AEN: variants seen among roughly 807,000 people sequenced by gnomAD.
The protein encoded by AEN is apoptosis enhancing nuclease.
In AEN, 21 loss-of-function variants were observed where a neutral mutation model predicts 17.7. The observed-to-expected ratio is 1.19, with a 90% CI of 0.84 to 1.71. The LOEUF is 1.71. Ranked by LOEUF, AEN falls within the 40% of genes most tolerant of loss-of-function variation. AEN has a pLI of 0.00. For synonymous variants in AEN, 190 were observed against 173.0 expected, an observed-to-expected ratio of 1.10 and a Z score of -0.77; for missense variants, 462 against 435.9, an observed-to-expected ratio of 1.06 and a Z score of -0.53.
the AEN span, among the ~76,000 whole-genome samples, chr15:88,610,683 G>C: frequency 6.6e-6 from 1 of 152,096 alleles, no homozygotes; most frequent in Non-Finnish European, 1.5e-5. Flanking sequence ...TCTGGATAGA[G>C]AGAATAAACC....
In AEN at chr15:88,631,201, T is replaced by G. The variant is rs1363831734; in HGVS notation, c.*907T>G. 2 of 456,354 alleles carry G rather than the reference T, an allele frequency of 4.4e-6. No homozygotes were observed. The highest frequency in any genetic ancestry group is 4.7e-5 in the Admixed American group (2 of 42,572). 28.3% of individuals were successfully genotyped at this position (456,354 alleles called of 1,614,324 possible). A position where few individuals can be genotyped will look rare whatever the true frequency, so the allele number is the denominator to read the frequency against. ...GGATTGTGCCTGACCTTTATTTATT[T>G]ATTAACAGCAGGGCCACTCGTCTAG... On this transcript the variant is annotated 3_prime_UTR_variant, in exon 4 of 4. Transcript: ENST00000332810.
the AEN span, among the ~76,000 whole-genome samples, chr15:88,612,367 C>G: frequency 1.3e-5 from 2 of 151,896 alleles, no homozygotes; most frequent in Admixed American, 1.3e-4. Flanking sequence ...GGGGGACACA[C>G]CTGACCTCGG....
chr15:88,619,853 T>C (rs1006924428), upstream of AEN, among the ~76,000 whole-genome samples: 1 of 152,084 alleles, frequency 6.6e-6, no homozygotes, highest in African/African-American at 2.4e-5. Context: ...GCTACTTAGG[T>C]GGGGAGCTCT....
In AEN at chr15:88,630,314, G is replaced by T. The variant is rs2057912471; in HGVS notation, c.*20G>T. The T allele has an allele frequency of 1.9e-6, 3 of 1,556,356 alleles. No individual in the cohort carries two copies. Among genetic ancestry groups the T allele is most frequent in the Non-Finnish European group, 2.6e-6 (3 of 1,149,116 alleles). On this transcript the variant is annotated 3_prime_UTR_variant, in exon 4 of 4. Transcript: ENST00000332810. This position sits in a 1 kb window ranked among gnomAD's most constrained non-coding sequence, Gnocchi z 5.1. ...AATTGAGAAGGGGGCGGGGCTCCCT[G>T]GCTGGGCTTCCGGTGTGGCCGGTAG...
the AEN span, among the ~76,000 whole-genome samples, chr15:88,614,271 C>T: frequency 6.7e-6 from 1 of 149,800 alleles, no homozygotes; most frequent in South Asian, 2.1e-4. Context: ...GTGATCTCGG[C>T]TCAATGCAAC....
chr15:88,619,921 C>A (rs537181375), upstream of AEN, among the ~76,000 whole-genome samples: 1 of 152,138 alleles, frequency 6.6e-6, no homozygotes, highest in East Asian at 1.9e-4. Flanking sequence ...AACACTCCCC[C>A]ACTCCTTTCT....
the AEN span, among the ~76,000 whole-genome samples, chr15:88,613,356 G>A: frequency 6.6e-6 from 1 of 152,182 alleles, no homozygotes; most frequent in Non-Finnish European, 1.5e-5. Context: ...GAAGCCAGTG[G>A]GAAGCCAGTC....
At chr15:88,605,268 G>C in the AEN span, among the ~76,000 whole-genome samples, 1 of 152,196 alleles carries the variant, frequency 6.6e-6, no homozygotes, top group Admixed American at 6.5e-5. This position sits in a 1 kb window ranked among gnomAD's most constrained non-coding sequence, Gnocchi z 7.6. Flanking sequence ...GCTCGGTCCC[G>C]CGCCCAGTAG....
In AEN at chr15:88,630,249, C is replaced by A. The variant is rs369014614; in HGVS notation, c.933C>A (p.His311Gln). Residue 311 changes from histidine to glutamine, a missense_variant, in exon 4 of 4, where the codon CAC (histidine) becomes CAA (glutamine). His to Gln is a conservative substitution (Grantham distance 24). Transcript: ENST00000332810. The surrounding 1 kb of genome is among the most constrained non-coding windows in gnomAD (Gnocchi z 5.1). ...AGTACTGGCCCGATGACCTGGCCCA[C>A]GGCAGCAGAGGAGGAGCCAGGGAGG... ...EDQYWPDDLA[H>Q]GSRGGAREAQ... The A allele has an allele frequency of 6.3e-6, 10 of 1,597,966 alleles. No homozygotes were observed. The highest frequency in any genetic ancestry group is 1.3e-5 in the African/African-American group (1 of 74,758).
the AEN span, among the ~76,000 whole-genome samples, chr15:88,614,296 C>T: frequency 6.6e-6 from 1 of 151,862 alleles, no homozygotes; most frequent in Non-Finnish European, 1.5e-5. Flanking sequence ...ACCTCCTGGG[C>T]TCAAGCAATT....
rs1339607225 is a variant in AEN at position 88,629,361 on chromosome 15, C to G, written c.676C>G (p.Leu226Val). Residue 226 changes from leucine to valine, a missense_variant, in exon 3 of 4, where the codon CTC becomes GTC. By Grantham distance (32) the Leu-to-Val change is conservative. Transcript: ENST00000332810. ...YVPNFLSEPG[L>V]HTRARVSLKD... ...CCCAAACTTCCTCAGCGAGCCCGGC[C>G]TCCACACCCGGGCCCGGGTCTCTCT... is the stretch of plus-strand genomic sequence containing the variant. The G allele has an allele frequency of 3.1e-6, 5 of 1,614,132 alleles. No individual in the cohort carries two copies. The highest frequency in any genetic ancestry group is 4.2e-6 in the Non-Finnish European group (5 of 1,180,010).
chr15:88,629,093 G>A (rs917947743), intron 2 of AEN, 133 bp from the exon 3 acceptor site: 14 of 868,928 alleles, frequency 1.6e-5, no homozygotes, highest in African/African-American at 6.7e-5. Context: ...TGTGGAGCTC[G>A]TGATCTCCCC....
chr15:88,623,699 G>T (rs572288803), intron 1 of AEN, among the ~76,000 whole-genome samples: 1 of 152,316 alleles, frequency 6.6e-6, no homozygotes, highest in Non-Finnish European at 1.5e-5. Flanking sequence ...GGCTACTGTG[G>T]GATATTTCAG....
chr15:88,609,109 A>G, the AEN span, among the ~76,000 whole-genome samples: 1 of 152,146 alleles, frequency 6.6e-6, no homozygotes, highest in South Asian at 2.1e-4. Flanking sequence ...AGGAGGGGAT[A>G]CTGGGAATGG....
At position 88,626,304 on chromosome 15, in the gene AEN, G is replaced by C. The variant is rs2057851837; in HGVS notation, c.95G>C (p.Arg32Thr). Residue 32 changes from arginine to threonine, a missense_variant, in exon 2 of 4, where the codon AGA becomes ACA. By Grantham distance (71) the Arg-to-Thr change is moderately conservative. Coordinates refer to ENST00000332810, the MANE Select transcript of AEN (RefSeq NM_022767.4). ...GATGTGCTTCGGAAGAGGCACAAGA[G>C]AAGGAGCCGACAGCACCAGCGGTTC... ...AKDVLRKRHK[R>T]RSRQHQRFMA... 6.2e-7 allele frequency: 1 copy of C among 1,613,578 alleles called. No individual in the cohort carries two copies. Among genetic ancestry groups the C allele is most frequent in the African/African-American group, 1.3e-5 (1 of 74,952 alleles).
rs1277645306 is a variant in AEN at position 88,630,474 on chromosome 15, C to T, written c.*180C>T. 2 of 616,250 alleles carry T rather than the reference C, an allele frequency of 3.2e-6. No individual in the cohort carries two copies. The highest frequency in any genetic ancestry group is 2.9e-5 in the Admixed American group (1 of 34,048). 38.2% of individuals were successfully genotyped at this position (616,250 alleles called of 1,614,324 possible). On this transcript the variant is annotated 3_prime_UTR_variant, in exon 4 of 4. Transcript: ENST00000332810. The surrounding 1 kb of genome is among the most constrained non-coding windows in gnomAD (Gnocchi z 5.1). ...CCCTCTGCACACAGCATAGCCCTCT[C>T]TCTCTCCAGGGCTGTTGGTTCTTTC...
rs150230829 is a variant in AEN at position 88,624,755 on chromosome 15, A to G, written c.-64-1391A>G. Among the ~76,000 whole-genome samples the G allele has an allele frequency of 1.6e-3, 247 of 152,240 alleles. 1 individual carries two copies. The highest frequency in any genetic ancestry group is 2.7e-3 in the Non-Finnish European group (184 of 68,016). ...AAAAATTAGCCAGGCGTGGTGGTGCATGCCTGTAATCCAGCTACACAGGAG... is the reference window on the plus strand; with the variant it reads ...AAAAATTAGCCAGGCGTGGTGGTGCGTGCCTGTAATCCAGCTACACAGGAG... On this transcript the variant is annotated intron_variant, in intron 1 of 3. Coordinates refer to ENST00000332810, the MANE Select transcript of AEN (RefSeq NM_022767.4).
At chr15:88,626,861 C>G (rs1186852439) in intron 2 of AEN, 112 bp downstream of exon 2, 3 of 1,182,164 alleles carry the variant, frequency 2.5e-6, no homozygotes, top group South Asian at 2.9e-5. Flanking sequence ...GGGAAAGTCA[C>G]CTAACTGCTC....
the AEN span, among the ~76,000 whole-genome samples, chr15:88,614,040 A>G: frequency 6.6e-6 from 1 of 152,148 alleles, no homozygotes; most frequent in Non-Finnish European, 1.5e-5. Context: ...TTCCCCTTCC[A>G]GATCAGTATC....
Sources: gnomAD v4.1 joint callset for allele counts (sites outside exome capture counted in the v4.1 genomes callset) on GRCh38, gnomAD v4.1.1 for gene constraint, Gnocchi (gnomAD v3.1) non-coding constraint, MANE v1.5 for transcripts, NCBI Gene and HGNC (gene_info 2026-07-23, HGNC 2026-07-21) for gene names.